Variants in TOX observed in about 807,000 individuals in gnomAD.
TOX encodes the protein thymocyte selection associated high mobility group box.
Under a neutral mutation model 53.7 loss-of-function variants are expected in TOX, and 11 were observed. That is an observed-to-expected ratio of 0.20 (90% CI 0.13 to 0.34). The LOEUF is 0.34. Among genes scored for constraint, TOX ranks in the 10% least tolerant of loss-of-function variants. The pLI, the probability that TOX is intolerant of heterozygous loss-of-function variation, is 1.00. For synonymous variants in TOX, 225 were observed against 245.3 expected (o/e 0.92, Z 0.77); for missense variants, 570 against 664.6 (o/e 0.86, Z 1.56).
At chr8:58,878,313 C>A (rs1285523282) in intron 3 of TOX, among the ~76,000 whole-genome samples, 2 of 152,060 alleles carry the variant, frequency 1.3e-5, no homozygotes. Context: ...AAGCAATGTT[C>A]TTTAGGTAAT....
chr8:59,012,253 T>G (rs1203176352), intron 1 of TOX, among the ~76,000 whole-genome samples: 1 of 152,062 alleles, frequency 6.6e-6, no homozygotes, highest in Admixed American at 6.5e-5. Flanking sequence ...TGATTATTAG[T>G]TTAGAACCAC....
intron 1 of TOX, among the ~76,000 whole-genome samples, chr8:59,019,250 C>G (rs565037454): frequency 6.6e-6 from 1 of 152,218 alleles, no homozygotes; most frequent in South Asian, 2.1e-4. Context: ...AGACTACAGA[C>G]TAGTAAACAT....
In TOX at chr8:59,041,142, C is replaced by T. The variant is rs148743558; in HGVS notation, c.102+77744G>A. 3.6e-3 allele frequency among the ~76,000 whole-genome samples: 542 copies of T among 151,168 alleles called. 3 individuals are homozygous for T. Among genetic ancestry groups the T allele is most frequent in the Non-Finnish European group, 5.6e-3 (383 of 67,844 alleles). ...TGTAAAACATTAAAGGAGCTGGCAT[C>T]GGGTGCTTTATTTCCATTTCATAAG... On this transcript the variant is annotated intron_variant, in intron 1 of 8. Coordinates refer to ENST00000361421, the MANE Select transcript of TOX (RefSeq NM_014729.3).
chr8:58,998,529 AT>A (rs1813616348), intron 1 of TOX, among the ~76,000 whole-genome samples: 6 of 15,850 alleles, frequency 3.8e-4, no homozygotes, highest in South Asian at 6.3e-3. Context: ...ATATATATAT[AT>A]ATATATATAA....
chr8:58,954,501 A>G (rs779847515), intron 2 of TOX, among the ~76,000 whole-genome samples: 1 of 152,188 alleles, frequency 6.6e-6, no homozygotes, highest in Non-Finnish European at 1.5e-5. Flanking sequence ...AGAGCTCACA[A>G]TCAGGTGAGC....
At chr8:58,810,456 T>G (rs1810057958) in intron 7 of TOX, among the ~76,000 whole-genome samples, 1 of 152,170 alleles carries the variant, frequency 6.6e-6, no homozygotes, top group Admixed American at 6.5e-5. Context: ...TCCTTCCACC[T>G]CAACCTCCCA....
intron 5 of TOX, among the ~76,000 whole-genome samples, chr8:58,828,710 A>T (rs1241714863): frequency 2.0e-5 from 3 of 151,996 alleles, no homozygotes; most frequent in Non-Finnish European, 4.4e-5. Context: ...CTTTTCATTG[A>T]TTTATTTTTT....
At chr8:58,990,367 C>T (rs1012041715) in intron 1 of TOX, among the ~76,000 whole-genome samples, 1 of 151,796 alleles carries the variant, frequency 6.6e-6, no homozygotes, top group Non-Finnish European at 1.5e-5. Flanking sequence ...CTCTAATATC[C>T]TTCTAGTAAA....
At chr8:58,967,779 G>A (rs970486177) in intron 1 of TOX, among the ~76,000 whole-genome samples, 1 of 152,128 alleles carries the variant, frequency 6.6e-6, no homozygotes, top group Non-Finnish European at 1.5e-5. Flanking sequence ...ATGCCTCCCT[G>A]CCTTGCTTAC....
intron 3 of TOX, among the ~76,000 whole-genome samples, chr8:58,902,778 C>T (rs1045270623): frequency 6.6e-6 from 1 of 152,208 alleles, no homozygotes; most frequent in African/African-American, 2.4e-5. Context: ...GCTTCTTCCT[C>T]ATTCCACCCT....
Position 59,084,131 on chromosome 8 carries a change from A to G in TOX, c.102+34755T>C, listed in dbSNP as rs1031082945. Among the ~76,000 whole-genome samples, 11 of 152,148 alleles carry G rather than the reference A, an allele frequency of 7.2e-5. No homozygotes were observed. In the East Asian group the frequency reaches 2.1e-3, roughly 29 times the overall value. ...ACCGCACCGCAGAATGTTCTTACTA[A>G]AATACTTATTCCATTCACTGGGTTT... On this transcript the variant is annotated intron_variant, in intron 1 of 8. Coordinates refer to ENST00000361421, the MANE Select transcript of TOX (RefSeq NM_014729.3).
intron 1 of TOX, among the ~76,000 whole-genome samples, chr8:59,098,636 A>G (rs1230037535): frequency 3.3e-5 from 5 of 152,134 alleles, no homozygotes; most frequent in African/African-American, 1.2e-4. Flanking sequence ...GAATCCTAAT[A>G]ATGATGATAA....
intron 1 of TOX, among the ~76,000 whole-genome samples, chr8:59,092,028 T>C (rs932430749): frequency 1.7e-4 from 26 of 151,740 alleles, no homozygotes; most frequent in Admixed American, 1.7e-3. Context: ...GGCATGTGGA[T>C]TGCCTGAGGT....
At chr8:58,985,230 G>A (rs1459274752) in intron 1 of TOX, among the ~76,000 whole-genome samples, 1 of 151,634 alleles carries the variant, frequency 6.6e-6, no homozygotes, top group African/African-American at 2.4e-5. Context: ...CCAAAAGGTG[G>A]AAGCAACTCA....
At chr8:58,823,911 G>C (rs916239703) in intron 6 of TOX, among the ~76,000 whole-genome samples, 3 of 152,234 alleles carry the variant, frequency 2.0e-5, no homozygotes, top group African/African-American at 4.8e-5. Flanking sequence ...TGAATGCCTT[G>C]CCTAGAAAAT....
intron 1 of TOX, among the ~76,000 whole-genome samples, chr8:59,054,885 A>G (rs1382432792): frequency 1.3e-5 from 2 of 151,086 alleles, no homozygotes; most frequent in African/African-American, 2.4e-5. Flanking sequence ...AAAAAAAGAA[A>G]GAAAAAGAGA....
At chr8:58,863,298 C>T (rs1013127161) in intron 3 of TOX, among the ~76,000 whole-genome samples, 11 of 152,138 alleles carry the variant, frequency 7.2e-5, no homozygotes, top group African/African-American at 1.4e-4. Flanking sequence ...TCCTCAAATG[C>T]CCATTCTTAG....
chr8:58,924,756 T>A (rs954481290), intron 3 of TOX, among the ~76,000 whole-genome samples: 1 of 152,250 alleles, frequency 6.6e-6, no homozygotes, highest in Non-Finnish European at 1.5e-5. Context: ...ATTTTCTCAT[T>A]AGTAATGTAT....
At chr8:58,825,256 G>A (rs901477777) in intron 6 of TOX, among the ~76,000 whole-genome samples, 1 of 152,076 alleles carries the variant, frequency 6.6e-6, no homozygotes, top group East Asian at 1.9e-4. Context: ...CACAATAGAT[G>A]GTTGTACATA....
Sources: gnomAD v4.1 joint callset for allele counts (sites outside exome capture counted in the v4.1 genomes callset) on GRCh38, gnomAD v4.1.1 for gene constraint, MANE v1.5 for transcripts, NCBI Gene and HGNC (gene_info 2026-07-23, HGNC 2026-07-21) for gene names.